RBM26: variants seen among roughly 807,000 people sequenced by gnomAD.
The protein encoded by RBM26 is RNA-binding protein 26.
A neutral mutation model predicts 123.6 loss-of-function variants in RBM26; 30 were observed. That is an observed-to-expected ratio of 0.24 (90% CI 0.18 to 0.33). RBM26 has a LOEUF of 0.33. Ranked by LOEUF, RBM26 falls within the 10% of genes least tolerant of loss-of-function variation. The pLI is 1.00. For missense variants in RBM26, 947 were observed against 1,203.6 expected (o/e 0.79, Z 3.15); for synonymous variants, 400 against 404.4 (o/e 0.99, Z 0.13).
chr13:79,363,554 AAAG>A (rs1435889165), intron 9 of RBM26, among the ~76,000 whole-genome samples: 1 of 152,204 alleles, frequency 6.6e-6, no homozygotes, highest in Non-Finnish European at 1.5e-5. Flanking sequence ...TGATGTATCT[AAAG>A]AAGAGTACTA....
intron 3 of RBM26, among the ~76,000 whole-genome samples, chr13:79,372,467 C>T (rs968709973): frequency 6.6e-6 from 1 of 151,584 alleles, no homozygotes; most frequent in Non-Finnish European, 1.5e-5. Context: ...TAAGTATAAT[C>T]ATTTAACTAT....
chr13:79,318,939 AAG>A lies in RBM26; in HGVS notation c.*1680_*1681del, dbSNP rs2067389694. 1.0e-6 allele frequency: 1 copy of A among 974,988 alleles called. No homozygotes were observed. The highest frequency in any genetic ancestry group is 1.2e-6 in the Non-Finnish European group (1 of 820,716). 60.4% of individuals were successfully genotyped at this position (974,988 alleles called of 1,614,324 possible). A position where few individuals can be genotyped will look rare whatever the true frequency, so the allele number is the denominator to read the frequency against. On this transcript the variant is annotated 3_prime_UTR_variant, in exon 22 of 22. Coordinates refer to ENST00000438737, the MANE Select transcript of RBM26 (RefSeq NM_001366735.2). ...TCAGAATAGCACATAGTCAACATAC[AAG>A]AGACTACATAAAAATAGATCTTTGA...
rs141358088 is a variant in RBM26 at position 79,344,680 on chromosome 13, T to G, written c.2173A>C (p.Lys725Gln). Residue 725 changes from lysine to glutamine, a missense_variant, in exon 15 of 22, where the codon AAA becomes CAA. Transcript: ENST00000438737. ...CCAGTTGTACTTACCTGTTTTTTTT[T>G]CTGTGCTTCATTATTATCAACTGCA... ...TSAVDNNEAQ[K>Q]KKQEALKLQQ... 50 of 1,611,448 alleles carry G rather than the reference T, an allele frequency of 3.1e-5. No homozygotes were observed. Among genetic ancestry groups the G allele is most frequent in the Non-Finnish European group, 4.2e-5 (50 of 1,178,992 alleles).
intron 11 of RBM26, among the ~76,000 whole-genome samples, chr13:79,356,456 G>A (rs1049740711): frequency 2.7e-5 from 4 of 150,754 alleles, no homozygotes; most frequent in Admixed American, 2.6e-4. Context: ...ACTCTCACAT[G>A]AACATGATCA....
chr13:79,359,809 A>T (rs960200706), intron 9 of RBM26, 123 bp from the exon 10 acceptor site: 2 of 64,018 alleles, frequency 3.1e-5, no homozygotes, highest in Non-Finnish European at 6.1e-5. Flanking sequence ...TATATATATA[A>T]TTTTTTTTTT....
At chr13:79,360,574 T>C (rs2074558908) in intron 9 of RBM26, among the ~76,000 whole-genome samples, 1 of 151,930 alleles carries the variant, frequency 6.6e-6, no homozygotes, top group Non-Finnish European at 1.5e-5. Context: ...AAATGCACAA[T>C]CTAAAAGATT....
At position 79,335,141 on chromosome 13, in the gene RBM26, A is replaced by T. The variant is rs1027050843; in HGVS notation, c.2734-711T>A. On this transcript the variant is annotated intron_variant, in intron 19 of 21. Coordinates refer to ENST00000438737, the MANE Select transcript of RBM26 (RefSeq NM_001366735.2). ...TATCATTATCAATACCTTCCTAATT[A>T]TCCCCCCCAAAAATTATAACTGTAA... is the stretch of plus-strand genomic sequence containing the variant. 2.0e-5 allele frequency among the ~76,000 whole-genome samples: 3 copies of T among 151,970 alleles called. No individual in the cohort carries two copies. In the South Asian group the frequency reaches 6.2e-4, roughly 32 times the overall value.
rs759513080 is a variant in RBM26 at position 79,355,423 on chromosome 13, G to C, written c.1690-39C>G. 27 of 1,545,084 alleles carry C rather than the reference G, an allele frequency of 1.7e-5. No individual in the cohort carries two copies. In the South Asian group the frequency reaches 2.9e-4, roughly 16 times the overall value. On this transcript the variant is annotated intron_variant, in intron 11 of 21. Coordinates refer to ENST00000438737, the MANE Select transcript of RBM26 (RefSeq NM_001366735.2). ...TATTAAGAACAGTGAATTTCCAAAGGAATCTGTTGCTTCATAGAGTAAAAT... is the reference window on the plus strand; with the variant it reads ...TATTAAGAACAGTGAATTTCCAAAGCAATCTGTTGCTTCATAGAGTAAAAT...
chr13:79,334,594 TGATAA>T (rs1047299546), intron 19 of RBM26, among the ~76,000 whole-genome samples, 164 bp from the exon 20 acceptor site: 43 of 152,150 alleles, frequency 2.8e-4, no homozygotes, highest in African/African-American at 8.0e-4. Flanking sequence ...TTTTAGTACT[TGATAA>T]GATAAAAGGT....
rs182955004 is a variant in RBM26, at chr13:79,350,730, C to T, written c.2058+2423G>A. On this transcript the variant is annotated intron_variant, in intron 14 of 21. Transcript: ENST00000438737. Reference sequence around the variant, plus strand: ...CAAGCTTTGGGTTTTCCCCTGCCTTCATTTTTTTTAAAAAAAGAATCTTTC... The same window carrying T: ...CAAGCTTTGGGTTTTCCCCTGCCTTTATTTTTTTTAAAAAAAGAATCTTTC... Among the ~76,000 whole-genome samples the T allele has an allele frequency of 1.9e-4, 29 of 151,448 alleles. No individual in the cohort carries two copies. In the East Asian group the frequency reaches 5.2e-3, roughly 27 times the overall value.
chr13:79,368,783 T>A lies in RBM26; in HGVS notation c.842A>T (p.His281Leu). ...CATGGGTGGTCTTACGTAAGAGTTATGGTCCACTTGGTCTTCATGAAATTC... is the reference window on the plus strand; with the variant it reads ...CATGGGTGGTCTTACGTAAGAGTTAAGGTCCACTTGGTCTTCATGAAATTC... ...WSEFHEDQVD[H>L]NSYVRPPMPK... The change falls in exon 6 of 22, where the codon CAT becomes CTT. Residue 281 changes from histidine (H) to leucine (L), a missense_variant. This residue lies in a region of RBM26 where 275 missense variants were observed against 361.0 expected (regional missense o/e 0.76). Coordinates refer to ENST00000438737, the MANE Select transcript of RBM26 (RefSeq NM_001366735.2). The A allele has an allele frequency of 6.2e-7, 1 of 1,614,044 alleles. No homozygotes were observed. The highest frequency in any genetic ancestry group is 2.2e-5 in the East Asian group (1 of 44,846).
At chr13:79,352,161 T>C (rs1483207081) in intron 14 of RBM26, among the ~76,000 whole-genome samples, 1 of 152,082 alleles carries the variant, frequency 6.6e-6, no homozygotes, top group African/African-American at 2.4e-5. Context: ...AGTTTAACAT[T>C]GTAAATAAAG....
chr13:79,337,070 A>G (rs940127071), intron 19 of RBM26, 32 bp downstream of exon 19: 1 of 1,585,344 alleles, frequency 6.3e-7, no homozygotes, highest in Non-Finnish European at 8.6e-7. Flanking sequence ...GATGATTATC[A>G]GCATTTGTTT....
At chr13:79,336,703 C>G (rs1004296626) in intron 19 of RBM26, among the ~76,000 whole-genome samples, 1 of 152,186 alleles carries the variant, frequency 6.6e-6, no homozygotes, top group East Asian at 1.9e-4. Context: ...TATCTTGTTT[C>G]AATACTGGGT....
intron 19 of RBM26, among the ~76,000 whole-genome samples, chr13:79,335,093 C>A (rs1169355387): frequency 6.6e-6 from 1 of 151,934 alleles, no homozygotes; most frequent in Non-Finnish European, 1.5e-5. Flanking sequence ...AACCTTTATC[C>A]CACAAAATTC....
At chr13:79,392,399 A>T (rs1028312340) in intron 1 of RBM26, among the ~76,000 whole-genome samples, 1 of 145,278 alleles carries the variant, frequency 6.9e-6, no homozygotes, top group Non-Finnish European at 1.5e-5. Context: ...TTACTTTCTT[A>T]AATTATTAAA....
exon 5 of RBM26, chr13:79,312,593 T>TTTA (rs1466623177): frequency 6.6e-6 from 1 of 152,046 alleles, no homozygotes; most frequent in African/African-American, 2.4e-5. Context: ...AAGTTTTTCA[T>TTTA]TTGAAATAAG....
intron 15 of RBM26, 53 bp from the exon 16 acceptor site, chr13:79,344,375 T>A: frequency 1.5e-6 from 2 of 1,321,178 alleles, no homozygotes; most frequent in Non-Finnish European, 2.2e-6. Flanking sequence ...ATAAACAATA[T>A]TATTCAAGAG....
At chr13:79,364,687 G>C (rs1463688284) in intron 9 of RBM26, among the ~76,000 whole-genome samples, 1 of 151,866 alleles carries the variant, frequency 6.6e-6, no homozygotes, top group Non-Finnish European at 1.5e-5. Context: ...TAGCACTCTA[G>C]ATGTAGGGCA....
Sources: allele counts gnomAD v4.1 joint callset (sites outside exome capture counted in the v4.1 genomes callset), GRCh38; gene constraint gnomAD v4.1.1; regional missense constraint gnomAD v4.1.1; transcripts MANE v1.5; gene names NCBI Gene and HGNC (gene_info 2026-07-23, HGNC 2026-07-21).